The following CACNA2D2 variants were observed in gnomAD, a reference collection of about 807,000 sequenced individuals.
CACNA2D2 encodes the protein calcium voltage-gated channel auxiliary subunit alpha2delta 2, also known as voltage-dependent calcium channel subunit alpha-2/delta-2.
In CACNA2D2, 48 loss-of-function variants were observed where a neutral mutation model predicts 166.4. The observed-to-expected ratio is 0.29, with a 90% CI of 0.23 to 0.37. The LOEUF (loss-of-function observed/expected upper bound fraction) is 0.37. CACNA2D2 is among the 10% of genes least tolerant of loss of function. The probability of loss-of-function intolerance (pLI) is 1.00; values close to 1 mark genes in which losing one functional copy is unlikely to be tolerated. For synonymous variants in CACNA2D2, 561 were observed against 573.7 expected, an observed-to-expected ratio of 0.98 and a Z score of 0.32; for missense variants, 1,122 against 1,433.0, an observed-to-expected ratio of 0.78 and a Z score of 3.50.
At chr3:50,446,420 C>T (rs1015315176) in intron 2 of CACNA2D2, among the ~76,000 whole-genome samples, 1 of 152,206 alleles carries the variant, frequency 6.6e-6, no homozygotes, top group Non-Finnish European at 1.5e-5. Flanking sequence ...ATGGACTTAC[C>T]ACATGCATGA....
chr3:50,436,267 C>T (rs138051471), intron 2 of CACNA2D2, among the ~76,000 whole-genome samples: 1,630 of 152,316 alleles, frequency 0.011, 40 homozygotes, highest in African/African-American at 0.036. Context: ...CACTGCTGCC[C>T]GGCTTCTCCT....
At chr3:50,458,323 G>A (rs1342098026) in intron 2 of CACNA2D2, among the ~76,000 whole-genome samples, 7 of 152,162 alleles carry the variant, frequency 4.6e-5, no homozygotes, top group Non-Finnish European at 8.8e-5. Context: ...CACCTTCCCC[G>A]AGTCCCAGAG....
intron 15 of CACNA2D2, 42 bp downstream of exon 15, chr3:50,377,966 G>T: frequency 6.3e-7 from 1 of 1,584,734 alleles, no homozygotes; most frequent in Non-Finnish European, 8.7e-7. Flanking sequence ...ATCTCCGGGG[G>T]AAGGGTGCCA....
rs761245324 is a variant in CACNA2D2, at chr3:50,365,993, G to A, written c.2862+18C>T. 2.5e-6 allele frequency: 4 copies of A among 1,611,160 alleles called. No individual in the cohort carries two copies. The highest frequency in any genetic ancestry group is 1.3e-5 in the African/African-American group (1 of 74,998). ...CCAGTCCCCCCCATCTCCAGTCCAG[G>A]CATCTCTGGGGACTCACCACAAAGA... On this transcript the variant is annotated intron_variant, in intron 32 of 37. Transcript: ENST00000424201. This position sits in a 1 kb window ranked among gnomAD's most constrained non-coding sequence, Gnocchi z 4.5.
intron 2 of CACNA2D2, among the ~76,000 whole-genome samples, chr3:50,450,583 A>G (rs1709048875): frequency 6.6e-6 from 1 of 152,196 alleles, no homozygotes; most frequent in South Asian, 2.1e-4. Flanking sequence ...CGGAGGTGAC[A>G]TTCAGCGCCA....
At position 50,366,992 on chromosome 3, in the gene CACNA2D2, C is replaced by T. The variant is rs746548751; in HGVS notation, c.2500+19G>A. On this transcript the variant is annotated intron_variant, in intron 28 of 37. Transcript: ENST00000424201. This position sits in a 1 kb window ranked among gnomAD's most constrained non-coding sequence, Gnocchi z 5.9. ...CCCTGTCCATTGCCTGTTTCCCCAC[C>T]TCTGTCCCAAACATTCACCTGCTGG... 8.1e-6 allele frequency: 13 copies of T among 1,613,444 alleles called. No homozygotes were observed. Among genetic ancestry groups the T allele is most frequent in the African/African-American group, 1.3e-5 (1 of 74,938 alleles).
chr3:50,409,231 C>G (rs1468116232), intron 3 of CACNA2D2, among the ~76,000 whole-genome samples: 1 of 152,214 alleles, frequency 6.6e-6, no homozygotes, highest in East Asian at 1.9e-4. Context: ...CACATGGAGG[C>G]CGACAGCACT....
intron 1 of CACNA2D2, among the ~76,000 whole-genome samples, chr3:50,502,770 C>A (rs1699033264): frequency 6.6e-6 from 1 of 152,224 alleles, no homozygotes; most frequent in Non-Finnish European, 1.5e-5. Flanking sequence ...TGGAGATGTC[C>A]CTCACCTCTG....
chr3:50,367,631 A>G lies in CACNA2D2; in HGVS notation c.2297+11T>C. Reference sequence around the variant, plus strand: ...AGGGGCAGGGTTTGGGTAGTGGGATAGGTCACTTACTTGTTGGGGAAGACT... The same window carrying G: ...AGGGGCAGGGTTTGGGTAGTGGGATGGGTCACTTACTTGTTGGGGAAGACT... On this transcript the variant is annotated intron_variant, in intron 26 of 37. Coordinates refer to ENST00000424201, the MANE Select transcript of CACNA2D2 (RefSeq NM_006030.4). This position sits in a 1 kb window ranked among gnomAD's most constrained non-coding sequence, Gnocchi z 6.5. 3 of 1,610,908 alleles carry G rather than the reference A, an allele frequency of 1.9e-6. No individual in the cohort carries two copies. The highest frequency in any genetic ancestry group is 2.5e-6 in the Non-Finnish European group (3 of 1,177,760).
intron 2 of CACNA2D2, among the ~76,000 whole-genome samples, chr3:50,462,615 GA>G (rs1449246010): frequency 2.0e-5 from 3 of 151,872 alleles, no homozygotes; most frequent in Non-Finnish European, 4.4e-5. Flanking sequence ...TGGGCTGGGG[GA>G]GGGGTGCAAA....
At chr3:50,503,737 C>CG, upstream of CACNA2D2, 1 of 152,112 alleles carries the variant, frequency 6.6e-6, no homozygotes, top group South Asian at 1.8e-4. Context: ...GGCTGGCCCG[C>CG]CCCCGCGCGC....
In CACNA2D2 at chr3:50,376,069, A is replaced by G; in HGVS notation, c.1702-35T>C. The G allele has an allele frequency of 6.2e-7, 1 of 1,613,160 alleles. No individual in the cohort carries two copies. The highest frequency in any genetic ancestry group is 8.5e-7 in the Non-Finnish European group (1 of 1,179,954). On this transcript the variant is annotated intron_variant, in intron 18 of 37. Transcript: ENST00000424201. The surrounding 1 kb of genome is among the most constrained non-coding windows in gnomAD (Gnocchi z 4.3). ...GCAGGGTGGGAAGTCAGAAGTCCCCATTGTGGAAGGTTTGCCCACCCTCCA... is the reference window on the plus strand; with the variant it reads ...GCAGGGTGGGAAGTCAGAAGTCCCCGTTGTGGAAGGTTTGCCCACCCTCCA...
In CACNA2D2 at chr3:50,363,531, AGTGT is replaced by A. The variant is rs948276137; in HGVS notation, c.*1131_*1134del. 5.3e-5 allele frequency: 19 copies of A among 358,810 alleles called. No individual in the cohort carries two copies. Among genetic ancestry groups the A allele is most frequent in the African/African-American group, 3.2e-4 (15 of 47,446 alleles). 22.2% of individuals were successfully genotyped at this position (358,810 alleles called of 1,614,324 possible). A position where few individuals can be genotyped will look rare whatever the true frequency, so the allele number is the denominator to read the frequency against. On this transcript the variant is annotated 3_prime_UTR_variant, in exon 38 of 38. Transcript: ENST00000424201. ...ACAGTTTGGCCTCCTGCAAGCAGGG[AGTGT>A]GTGTGTAGGGGTGGGAAGGAGATAG...
chr3:50,387,023 G>A (rs1705643574), intron 5 of CACNA2D2, among the ~76,000 whole-genome samples: 1 of 152,214 alleles, frequency 6.6e-6, no homozygotes, highest in African/African-American at 2.4e-5. Context: ...ACTTGAGCCA[G>A]TGAGTGACAT....
intron 3 of CACNA2D2, among the ~76,000 whole-genome samples, chr3:50,401,238 T>TA (rs34460719): frequency 4.6e-5 from 7 of 151,836 alleles, no homozygotes; most frequent in East Asian, 1.9e-4. Flanking sequence ...TGCAAATTGA[T>TA]AAAAAAAATT....
chr3:50,421,539 C>A (rs1312602085), intron 3 of CACNA2D2, among the ~76,000 whole-genome samples: 1 of 152,146 alleles, frequency 6.6e-6, no homozygotes, highest in African/African-American at 2.4e-5. Flanking sequence ...GTCTTCCCAA[C>A]TCTCTCACCT....
intron 2 of CACNA2D2, among the ~76,000 whole-genome samples, chr3:50,448,432 A>C (rs973383085): frequency 1.1e-4 from 17 of 152,158 alleles, no homozygotes; most frequent in Admixed American, 1.1e-3. Flanking sequence ...TGTATGTAGG[A>C]ATGTTCACTG....
chr3:50,406,215 G>A (rs958032821), intron 3 of CACNA2D2, among the ~76,000 whole-genome samples: 5 of 151,808 alleles, frequency 3.3e-5, no homozygotes, highest in African/African-American at 9.7e-5. Flanking sequence ...TGGCACAGAG[G>A]CAATCAGCCT....
At chr3:50,484,521 G>C (rs980415454) in intron 1 of CACNA2D2, among the ~76,000 whole-genome samples, 2 of 152,120 alleles carry the variant, frequency 1.3e-5, no homozygotes, top group Admixed American at 6.5e-5. Context: ...TATAGTCCCT[G>C]CACAGGCTTC....
Sources: allele counts gnomAD v4.1 joint callset (sites outside exome capture counted in the v4.1 genomes callset), GRCh38; gene constraint gnomAD v4.1.1; non-coding constraint Gnocchi (gnomAD v3.1); transcripts MANE v1.5; gene names NCBI Gene and HGNC (gene_info 2026-07-23, HGNC 2026-07-21).